SDK2: variants seen among roughly 807,000 people sequenced by gnomAD.
SDK2 encodes the protein protein sidekick-2.
A neutral mutation model predicts 253.9 loss-of-function variants in SDK2; 105 were observed. The observed-to-expected ratio is 0.41, with a 90% CI of 0.35 to 0.49. The LOEUF (loss-of-function observed/expected upper bound fraction) is 0.49. Among genes scored for constraint, SDK2 ranks in the 20% least tolerant of loss-of-function variants. The pLI is 0.06. For missense variants in SDK2, 2,608 were observed against 3,003.0 expected (o/e 0.87, Z 3.07); for synonymous variants, 1,249 against 1,234.9 (o/e 1.01, Z -0.24).
rs1447041628 is a variant in SDK2 at position 73,368,433 on chromosome 17, G to A, written c.5141C>T (p.Pro1714Leu). ...NAAGDGPRST[P>L]TQGQTQQAAP... is the part of the protein sequence containing the mutation. Reference sequence around the variant, plus strand: ...TGCTTGCTGGGTCTGGCCTTGGGTGGGGGTGCTCCGAGGCCCATCCCCAGC... The same window carrying A: ...TGCTTGCTGGGTCTGGCCTTGGGTGAGGGTGCTCCGAGGCCCATCCCCAGC... Residue 1714 changes from proline to leucine, a missense_variant, in exon 37 of 45, where the codon CCC (proline) becomes CTC (leucine). Transcript: ENST00000392650. 6.3e-7 allele frequency: 1 copy of A among 1,591,026 alleles called. No individual in the cohort carries two copies. The highest frequency in any genetic ancestry group is 8.6e-7 in the Non-Finnish European group (1 of 1,169,262).
At chr17:73,412,124 ATATATGTGTATG>A (rs1568389583) in intron 18 of SDK2, among the ~76,000 whole-genome samples, 1 of 71,346 alleles carries the variant, frequency 1.4e-5, no homozygotes, top group Non-Finnish European at 3.0e-5. Flanking sequence ...ATGTATACGT[ATATATGTGTATG>A]TGTATATGTA....
intron 18 of SDK2, among the ~76,000 whole-genome samples, chr17:73,406,244 CTCT>C (rs1320488563): frequency 1.2e-5 from 1 of 86,048 alleles, no homozygotes; most frequent in Non-Finnish European, 3.1e-5. Flanking sequence ...GCCTACTACA[CTCT>C]TTTTTTTTTT....
chr17:73,361,503 A>G lies in SDK2; in HGVS notation c.5467+181T>C, dbSNP rs2062639678. On this transcript the variant is annotated intron_variant, in intron 39 of 44. Coordinates refer to ENST00000392650, the MANE Select transcript of SDK2 (RefSeq NM_001144952.2). The surrounding 1 kb of genome is among the most constrained non-coding windows in gnomAD (Gnocchi z 4.1). Reference sequence around the variant, plus strand: ...TGAGGAACCTGAGGACACATTAATCAAAGCGTGGAGCCCGGGAGGAGGGAG... The same window carrying G: ...TGAGGAACCTGAGGACACATTAATCGAAGCGTGGAGCCCGGGAGGAGGGAG... Among the ~76,000 whole-genome samples the G allele has an allele frequency of 6.6e-6, 1 of 152,074 alleles. No homozygotes were observed. Among genetic ancestry groups the G allele is most frequent in the Non-Finnish European group, 1.5e-5 (1 of 67,996 alleles).
At chr17:73,381,451 G>C (rs547651508) in intron 33 of SDK2, among the ~76,000 whole-genome samples, 2 of 150,958 alleles carry the variant, frequency 1.3e-5, no homozygotes, top group Admixed American at 1.3e-4. Flanking sequence ...CACCAAAAAC[G>C]CAAGCTGTTG....
At chr17:73,586,175 G>A (rs1392871082) in intron 1 of SDK2, among the ~76,000 whole-genome samples, 1 of 152,154 alleles carries the variant, frequency 6.6e-6, no homozygotes, top group Non-Finnish European at 1.5e-5. Context: ...ACTGGATAAG[G>A]TGTTAGCTCT....
At position 73,511,374 on chromosome 17, in the gene SDK2, C is replaced by T. The variant is rs888555369; in HGVS notation, c.65-3777G>A. ...CACGCGCGAGCACGCACACGCTCTGCGCCCAGACGCCCTCGCCTCTGTAAA... is the reference window on the plus strand; with the variant it reads ...CACGCGCGAGCACGCACACGCTCTGTGCCCAGACGCCCTCGCCTCTGTAAA... On this transcript the variant is annotated intron_variant, in intron 1 of 44. Coordinates refer to ENST00000392650, the MANE Select transcript of SDK2 (RefSeq NM_001144952.2). The surrounding 1 kb of genome is among the most constrained non-coding windows in gnomAD (Gnocchi z 4.9). Among the ~76,000 whole-genome samples the T allele has an allele frequency of 4.6e-5, 7 of 152,196 alleles. No individual in the cohort carries two copies. The highest frequency in any genetic ancestry group is 1.7e-4 in the African/African-American group (7 of 41,452).
intron 1 of SDK2, among the ~76,000 whole-genome samples, chr17:73,566,504 G>A (rs2045314976): frequency 6.6e-6 from 1 of 152,104 alleles, no homozygotes; most frequent in Non-Finnish European, 1.5e-5. Context: ...AGAGTTTGGT[G>A]GGTTCAAAAA....
chr17:73,578,836 T>C (rs2045493788), intron 1 of SDK2, among the ~76,000 whole-genome samples: 2 of 152,156 alleles, frequency 1.3e-5, no homozygotes, highest in Admixed American at 1.3e-4. Flanking sequence ...CCACTTCCCA[T>C]TCGAAGCTTC....
In SDK2 at chr17:73,379,562, G is replaced by C. The variant is rs756788098; in HGVS notation, c.4763-13C>G. 7 of 1,546,448 alleles carry C rather than the reference G, an allele frequency of 4.5e-6. No individual in the cohort carries two copies. The highest frequency in any genetic ancestry group is 6.2e-6 in the Non-Finnish European group (7 of 1,123,358). ...TGCTTGTTCAGGTCTGTGGGGGAGA[G>C]TGGGGGAGGGGAAGCACACTGAGGT... is the stretch of plus-strand genomic sequence containing the variant. On this transcript the variant is annotated splice_polypyrimidine_tract_variant and intron_variant, in intron 34 of 44. Coordinates refer to ENST00000392650, the MANE Select transcript of SDK2 (RefSeq NM_001144952.2). The surrounding 1 kb of genome is among the most constrained non-coding windows in gnomAD (Gnocchi z 4.5).
chr17:73,582,324 G>A (rs1259582560), intron 1 of SDK2, among the ~76,000 whole-genome samples: 2 of 151,250 alleles, frequency 1.3e-5, no homozygotes, highest in South Asian at 2.1e-4. Flanking sequence ...CGCACACCAC[G>A]CAGGCATCAG....
rs2062545339 is a variant in SDK2 at position 73,352,279 on chromosome 17, T to G, written c.5758+194A>C. 1.3e-5 allele frequency among the ~76,000 whole-genome samples: 2 copies of G among 152,144 alleles called. No individual in the cohort carries two copies. The highest frequency in any genetic ancestry group is 2.9e-5 in the Non-Finnish European group (2 of 68,020). Reference sequence around the variant, plus strand: ...GCCCCAAAGATGAAGATCCCTAGTTTCCTCTGGTCTTGAGGGCTGACCCAG... The same window carrying G: ...GCCCCAAAGATGAAGATCCCTAGTTGCCTCTGGTCTTGAGGGCTGACCCAG... On this transcript the variant is annotated intron_variant, in intron 41 of 44. Transcript: ENST00000392650. The surrounding 1 kb of genome is among the most constrained non-coding windows in gnomAD (Gnocchi z 4.1).
At position 73,455,787 on chromosome 17, in the gene SDK2, G is replaced by A; in HGVS notation, c.479+119C>T. 2 of 1,160,478 alleles carry A rather than the reference G, an allele frequency of 1.7e-6. No individual in the cohort carries two copies. The highest frequency in any genetic ancestry group is 1.7e-5 in the South Asian group (1 of 60,070). 71.9% of individuals were successfully genotyped at this position (1,160,478 alleles called of 1,614,324 possible). On this transcript the variant is annotated intron_variant, in intron 4 of 44. Coordinates refer to ENST00000392650, the MANE Select transcript of SDK2 (RefSeq NM_001144952.2). This position sits in a 1 kb window ranked among gnomAD's most constrained non-coding sequence, Gnocchi z 5.0. ...CCCTACCTGGCTGTGTCCCACAGGA[G>A]CTGAAAGGGGCTTCTGCACAAAGGC...
rs112255895 is a variant in SDK2, at chr17:73,609,206, C to CTGGA, written c.64+34815_64+34818dup. Among the ~76,000 whole-genome samples, 29,378 of 151,894 alleles carry CTGGA rather than the reference C, an allele frequency of 0.19. 3,050 individuals carry two copies. The highest frequency in any genetic ancestry group is 0.27 in the African/African-American group (11,086 of 41,372). On this transcript the variant is annotated intron_variant, in intron 1 of 44. Coordinates refer to ENST00000392650, the MANE Select transcript of SDK2 (RefSeq NM_001144952.2). The surrounding 1 kb of genome is among the most constrained non-coding windows in gnomAD (Gnocchi z 4.4). Reference sequence around the variant, plus strand: ...TGAATGCAGTGTTGGAGAGATAAGCCTGGAGTGTGAGAGATGGGTCTGGGC... The same window carrying CTGGA: ...TGAATGCAGTGTTGGAGAGATAAGCCTGGATGGAGTGTGAGAGATGGGTCTGGGC...
At chr17:73,399,537 T>TCAGGG (rs1363101035) in intron 21 of SDK2, among the ~76,000 whole-genome samples, 2 of 152,160 alleles carry the variant, frequency 1.3e-5, no homozygotes, top group African/African-American at 4.8e-5. Flanking sequence ...GAGGAGGCTC[T>TCAGGG]CAGGGCCAGG....
At chr17:73,341,365 AC>A (rs201238572) in intron 44 of SDK2, among the ~76,000 whole-genome samples, 4 of 151,302 alleles carry the variant, frequency 2.6e-5, no homozygotes, top group South Asian at 2.1e-4. Context: ...AACATGGTGC[AC>A]CCCTTCCCCT....
In SDK2 at chr17:73,387,757, C is replaced by G. The variant is rs1334000755; in HGVS notation, c.4394+79G>C. On this transcript the variant is annotated intron_variant, in intron 30 of 44. Transcript: ENST00000392650. ...CAGGCTGGAGGTGTTTTCAGAAGGCCCCCTACCCAGTGGAGGAGCACCGCT... is the reference window on the plus strand; with the variant it reads ...CAGGCTGGAGGTGTTTTCAGAAGGCGCCCTACCCAGTGGAGGAGCACCGCT... The G allele has an allele frequency of 6.7e-6, 9 of 1,336,044 alleles. No homozygotes were observed. The African/African-American group carries it at 1.3e-4, about 19-fold the overall frequency. The allele number at this position is 1,336,044 out of a possible 1,614,324, so 82.8% of individuals were successfully genotyped here. A position where few individuals can be genotyped will look rare whatever the true frequency, so the allele number is the denominator to read the frequency against.
At chr17:73,559,608 C>CCT (rs1555603367) in intron 1 of SDK2, among the ~76,000 whole-genome samples, 32 of 147,632 alleles carry the variant, frequency 2.2e-4, no homozygotes, top group African/African-American at 8.4e-4. Flanking sequence ...GCCCCCCGCC[C>CCT]CCGCCACCAT....
rs1470332126 is a variant in SDK2 at position 73,435,108 on chromosome 17, C to T, written c.1195+342G>A. On this transcript the variant is annotated intron_variant, in intron 9 of 44. Transcript: ENST00000392650. The surrounding 1 kb of genome is among the most constrained non-coding windows in gnomAD (Gnocchi z 5.7). ...GTCTTCTGGAATGGGGTTACTCCAG[C>T]CCTGCCTGGGAACCCAGGGATAGTC... 6.6e-6 allele frequency among the ~76,000 whole-genome samples: 1 copy of T among 152,216 alleles called. No homozygotes were observed. Among genetic ancestry groups the T allele is most frequent in the Non-Finnish European group, 1.5e-5 (1 of 68,038 alleles).
intron 1 of SDK2, among the ~76,000 whole-genome samples, chr17:73,635,163 T>C (rs961438716): frequency 2.0e-5 from 3 of 152,018 alleles, no homozygotes; most frequent in Non-Finnish European, 2.9e-5. Flanking sequence ...TTTTTGTATT[T>C]TGTATTTTTA....
Sources: gnomAD v4.1 joint callset for allele counts (sites outside exome capture counted in the v4.1 genomes callset) on GRCh38, gnomAD v4.1.1 for gene constraint, Gnocchi (gnomAD v3.1) non-coding constraint, MANE v1.5 for transcripts, NCBI Gene and HGNC (gene_info 2026-07-23, HGNC 2026-07-21) for gene names.